The following SRGAP1 variants were observed in gnomAD, a reference collection of about 807,000 sequenced individuals.
SRGAP1 encodes the protein SLIT-ROBO Rho GTPase-activating protein 1.
Under a neutral mutation model 121.9 loss-of-function variants are expected in SRGAP1, and 43 were observed. The ratio of observed to expected loss-of-function variants is 0.35; its 90% CI spans 0.28 to 0.46. SRGAP1 has a LOEUF of 0.46. Ranked by LOEUF, SRGAP1 falls within the 20% of genes least tolerant of loss-of-function variation. The pLI is 1.00. For missense variants in SRGAP1, 1,102 were observed against 1,350.9 expected (o/e 0.82, Z 2.89); for synonymous variants, 447 against 485.4 (o/e 0.92, Z 1.04).
chr12:64,080,507 T>C (rs913800023), intron 10 of SRGAP1, 137 bp downstream of exon 10: 4 of 804,776 alleles, frequency 5.0e-6, no homozygotes, highest in Non-Finnish European at 8.5e-6. Context: ...GTTTTGTTTG[T>C]ATATGTCATG....
Position 64,155,650 on chromosome 12 carries a change from T to C in SRGAP1, c.*12978T>C, listed in dbSNP as rs10878110. 78,364 of 151,760 alleles carry C rather than the reference T, an allele frequency of 0.52. 20,428 individuals carry two copies. Among genetic ancestry groups the C allele is most frequent in the South Asian group, 0.62 (2,965 of 4,796 alleles). 9.4% of individuals were successfully genotyped at this position (151,760 alleles called of 1,614,324 possible). A position where few individuals can be genotyped will look rare whatever the true frequency, so the allele number is the denominator to read the frequency against. ...TGTTTTTTTTGAGACGTAGTCCCGC[T>C]CCGTCTCCCAGGCTGGAGTGCAGTG... On this transcript the variant is annotated 3_prime_UTR_variant, in exon 22 of 22. Transcript: ENST00000355086.
At chr12:63,918,428 C>CT (rs1179146963) in intron 1 of SRGAP1, among the ~76,000 whole-genome samples, 3 of 152,024 alleles carry the variant, frequency 2.0e-5, no homozygotes, top group African/African-American at 4.8e-5. Context: ...TGCTTTCTCT[C>CT]TTTTTTTAAG....
chr12:64,095,636 T>C (rs951049655), intron 14 of SRGAP1, among the ~76,000 whole-genome samples: 1 of 152,214 alleles, frequency 6.6e-6, no homozygotes, highest in Non-Finnish European at 1.5e-5. Context: ...GGGTGCCTTA[T>C]GCTTGTTCAT....
intron 1 of SRGAP1, among the ~76,000 whole-genome samples, chr12:63,884,978 C>T (rs956909795): frequency 3.3e-5 from 5 of 152,060 alleles, no homozygotes; most frequent in Non-Finnish European, 7.4e-5. Flanking sequence ...CCTCGGCCTC[C>T]CAAAGTGCTG....
chr12:64,102,320 C>A (rs1187158568), intron 15 of SRGAP1, among the ~76,000 whole-genome samples: 3 of 152,214 alleles, frequency 2.0e-5, no homozygotes, highest in Non-Finnish European at 2.9e-5. Flanking sequence ...AATTTCTCTA[C>A]ACAGAGATAG....
intron 1 of SRGAP1, among the ~76,000 whole-genome samples, chr12:63,982,238 AAAAG>A (rs1159990523): frequency 6.6e-6 from 1 of 151,676 alleles, no homozygotes; most frequent in Non-Finnish European, 1.5e-5. Flanking sequence ...AAAAACAAAA[AAAAG>A]AAAGAAAAAA....
intron 1 of SRGAP1, among the ~76,000 whole-genome samples, chr12:63,951,671 C>G (rs2032302182): frequency 6.6e-6 from 1 of 152,168 alleles, no homozygotes; most frequent in African/African-American, 2.4e-5. Flanking sequence ...CTTCTTCCAC[C>G]ATGGCTCTTT....
intron 1 of SRGAP1, among the ~76,000 whole-genome samples, chr12:63,946,345 T>C (rs2032047030): frequency 6.6e-6 from 1 of 151,476 alleles, no homozygotes; most frequent in Admixed American, 6.6e-5. Context: ...AAACTTCATA[T>C]ATTTAAAGTG....
Position 64,062,970 on chromosome 12 carries a change from G to C in SRGAP1, c.855G>C (p.Leu285=), listed in dbSNP as rs762637674. 6.2e-7 allele frequency: 1 copy of C among 1,614,012 alleles called. No homozygotes were observed. Among genetic ancestry groups the C allele is most frequent in the South Asian group, 1.1e-5 (1 of 91,078 alleles). Residue 285 remains leucine (L), a synonymous_variant, in exon 7 of 22, where the codon CTG becomes CTC. Transcript: ENST00000355086. The part of the protein sequence containing the change: ...ASLNRALRTY[L]SAEYNLETSR... ...TGAACAGAGCCCTAAGAACATATCT[G>C]TCTGCGGAGTACAACCTTGAAACCT...
At chr12:64,075,430 A>C (rs2035719155) in intron 8 of SRGAP1, among the ~76,000 whole-genome samples, 1 of 152,226 alleles carries the variant, frequency 6.6e-6, no homozygotes, top group African/African-American at 2.4e-5. Flanking sequence ...TGTTATGGCC[A>C]TCATGAACAT....
At chr12:63,925,309 A>G (rs986726776) in intron 1 of SRGAP1, among the ~76,000 whole-genome samples, 1 of 152,246 alleles carries the variant, frequency 6.6e-6, no homozygotes, top group Non-Finnish European at 1.5e-5. Context: ...GGGCAGACAA[A>G]TGCTAAGCTT....
chr12:64,011,063 G>C (rs1043782246), intron 3 of SRGAP1, among the ~76,000 whole-genome samples: 9 of 152,022 alleles, frequency 5.9e-5, no homozygotes, highest in Non-Finnish European at 2.9e-5. Context: ...AAGAGGAAAT[G>C]GCTTGAGGAA....
In SRGAP1 at chr12:63,984,049, C is replaced by A; in HGVS notation, c.170C>A (p.Ala57Asp). ...QDLQDFFRKK[A>D]EIETEYSRNL... ...CTGCAAGATTTCTTCCGAAAAAAAG[C>A]TGAAATTGAGACGGAATATTCCCGG... The change falls in exon 2 of 22, where the codon GCT becomes GAT. Residue 57 changes from alanine (A) to aspartate (D), a missense_variant. Physicochemically the swap from Ala to Asp is moderately radical, Grantham distance 126. Transcript: ENST00000355086. 2 of 1,560,520 alleles carry A rather than the reference C, an allele frequency of 1.3e-6. No individual in the cohort carries two copies. The highest frequency in any genetic ancestry group is 1.2e-5 in the South Asian group (1 of 83,292).
chr12:63,881,396 T>C (rs1435429879), intron 1 of SRGAP1, among the ~76,000 whole-genome samples: 2 of 152,220 alleles, frequency 1.3e-5, no homozygotes, highest in Admixed American at 1.3e-4. Flanking sequence ...ATTGATGATC[T>C]GTAGTAATGG....
intron 17 of SRGAP1, among the ~76,000 whole-genome samples, chr12:64,114,719 C>G (rs1464828797): frequency 6.6e-6 from 1 of 152,070 alleles, no homozygotes; most frequent in Non-Finnish European, 1.5e-5. Flanking sequence ...TATAAAAGAG[C>G]AAGTTTGTAG....
Position 64,039,366 on chromosome 12 carries a change from A to G in SRGAP1, c.490-3424A>G, listed in dbSNP as rs773729456. ...GTTTTCCTTTTAACCCACACTAGTCAGTAAGGAACACCCTGCTGGCAGTCA... is the reference window on the plus strand; with the variant it reads ...GTTTTCCTTTTAACCCACACTAGTCGGTAAGGAACACCCTGCTGGCAGTCA... On this transcript the variant is annotated intron_variant, in intron 4 of 21. Coordinates refer to ENST00000355086, the MANE Select transcript of SRGAP1 (RefSeq NM_020762.4). 7.9e-5 allele frequency among the ~76,000 whole-genome samples: 12 copies of G among 152,192 alleles called. 1 individual carries two copies. The highest frequency in any genetic ancestry group is 6.5e-5 in the Admixed American group (1 of 15,274).
At chr12:64,035,871 C>T (rs1407538999) in intron 4 of SRGAP1, among the ~76,000 whole-genome samples, 1 of 152,186 alleles carries the variant, frequency 6.6e-6, no homozygotes, top group African/African-American at 2.4e-5. Context: ...GGCCCAAAGC[C>T]TGCACTGTTA....
rs376164862 is a variant in SRGAP1 at position 64,134,294 on chromosome 12, G to A, written c.2880+6094G>A. Among the ~76,000 whole-genome samples the A allele has an allele frequency of 2.6e-4, 40 of 152,070 alleles. 1 individual carries two copies. The South Asian group carries it at 7.3e-3, about 28-fold the overall frequency. On this transcript the variant is annotated intron_variant, in intron 21 of 21. Coordinates refer to ENST00000355086, the MANE Select transcript of SRGAP1 (RefSeq NM_020762.4). Reference sequence around the variant, plus strand: ...AAATTAGCTGGGAGTGGTGGTGGGTGCCTGTAGTCCCAGCTACTTGGGAGG... The same window carrying A: ...AAATTAGCTGGGAGTGGTGGTGGGTACCTGTAGTCCCAGCTACTTGGGAGG...
rs374279233 is a variant in SRGAP1 at position 64,149,992 on chromosome 12, A to G, written c.*7320A>G. On this transcript the variant is annotated 3_prime_UTR_variant, in exon 22 of 22. Coordinates refer to ENST00000355086, the MANE Select transcript of SRGAP1 (RefSeq NM_020762.4). ...TCACTTAATAATCACGGTGAGGTTC[A>G]TCACCTCTTCAGTAGCCTTTTATCT... 5 of 152,374 alleles carry G rather than the reference A, an allele frequency of 3.3e-5. No homozygotes were observed. The highest frequency in any genetic ancestry group is 9.6e-5 in the African/African-American group (4 of 41,590). The allele number at this position is 152,374 out of a possible 1,614,324, so 9.4% of individuals were successfully genotyped here.
Sources: gnomAD v4.1 joint callset for allele counts (sites outside exome capture counted in the v4.1 genomes callset) on GRCh38, gnomAD v4.1.1 for gene constraint, MANE v1.5 for transcripts, NCBI Gene and HGNC (gene_info 2026-07-23, HGNC 2026-07-21) for gene names.